Variants in JAKMIP1 observed in about 807,000 individuals in gnomAD.
The protein encoded by JAKMIP1 is janus kinase and microtubule-interacting protein 1.
In JAKMIP1, 33 loss-of-function variants were observed where a neutral mutation model predicts 113.0. The observed-to-expected ratio is 0.29, with a 90% CI of 0.22 to 0.39. JAKMIP1 has a LOEUF of 0.39. Among genes scored for constraint, JAKMIP1 ranks in the 10% least tolerant of loss-of-function variants. The pLI is 1.00. For missense variants in JAKMIP1, 813 were observed against 1,080.5 expected (o/e 0.75, Z 3.47); for synonymous variants, 480 against 459.9 (o/e 1.04, Z -0.56).
rs531730467 is a variant in JAKMIP1 at position 6,064,730 on chromosome 4, C to T, written c.1431+150G>A. On this transcript the variant is annotated intron_variant, in intron 9 of 20. Transcript: ENST00000409021. The surrounding 1 kb of genome is among the most constrained non-coding windows in gnomAD (Gnocchi z 4.3). The stretch of plus-strand genomic sequence containing the variant: ...CTGTGGGGCCCGCCTTCCCTTCACA[C>T]CATTGGCTTTGATAATGCACTGGTA... The T allele has an allele frequency of 3.0e-6, 3 of 988,734 alleles. No individual in the cohort carries two copies. The African/African-American group carries it at 4.9e-5, about 16-fold the overall frequency. 61.2% of individuals were successfully genotyped at this position (988,734 alleles called of 1,614,324 possible).
At chr4:6,172,520 G>A (rs1250035161) in intron 1 of JAKMIP1, among the ~76,000 whole-genome samples, 1 of 151,714 alleles carries the variant, frequency 6.6e-6, no homozygotes. Flanking sequence ...GGGGAGGAGA[G>A]AGGACACGGC....
chr4:6,084,940 A>C lies in JAKMIP1; in HGVS notation c.860T>G (p.Val287Gly). 1.9e-6 allele frequency: 3 copies of C among 1,547,828 alleles called. No individual in the cohort carries two copies. The highest frequency in any genetic ancestry group is 2.6e-6 in the Non-Finnish European group (3 of 1,139,106). ...VQDQHMDERD[V>G]RRFQLKIAEL... Reference sequence around the variant, plus strand: ...AGCAATTTTTAGTTGAAATCGCCTCACATCTCGCTCGTCCATATGTTGATC... The same window carrying C: ...AGCAATTTTTAGTTGAAATCGCCTCCCATCTCGCTCGTCCATATGTTGATC... Residue 287 changes from valine (V) to glycine (G), a missense_variant, in exon 5 of 21, where the codon GTG becomes GGG. Val to Gly is a moderately radical substitution (Grantham distance 109). Around this residue, in one of 2 missense-constraint regions of JAKMIP1, gnomAD observed 540 missense variants for 653.9 expected, o/e 0.83. Transcript: ENST00000409021.
chr4:6,111,708 T>C (rs1714962098), intron 2 of JAKMIP1, among the ~76,000 whole-genome samples: 1 of 152,166 alleles, frequency 6.6e-6, no homozygotes, highest in Admixed American at 6.5e-5. Context: ...TGACAGCCCG[T>C]GCTTTAATTA....
chr4:6,145,682 T>C (rs1384739410), intron 1 of JAKMIP1, among the ~76,000 whole-genome samples: 1 of 152,170 alleles, frequency 6.6e-6, no homozygotes. Flanking sequence ...ACTGAGTGGC[T>C]TAAATATCAG....
At chr4:6,063,260 A>C (rs1717572594) in intron 9 of JAKMIP1, among the ~76,000 whole-genome samples, 1 of 152,244 alleles carries the variant, frequency 6.6e-6, no homozygotes, top group Non-Finnish European at 1.5e-5. Flanking sequence ...CGTGCTGCTC[A>C]TCCATGGGAA....
intron 18 of JAKMIP1, among the ~76,000 whole-genome samples, chr4:6,036,547 G>A (rs978386826): frequency 2.6e-5 from 4 of 152,160 alleles, no homozygotes; most frequent in Non-Finnish European, 5.9e-5. Context: ...GTTTTCAGCT[G>A]CCTTAAGAAT....
At chr4:6,104,164 C>A (rs1713529924) in intron 3 of JAKMIP1, among the ~76,000 whole-genome samples, 1 of 152,204 alleles carries the variant, frequency 6.6e-6, no homozygotes, top group East Asian at 1.9e-4. Context: ...TATGTCATGT[C>A]CACAGTATTC....
chr4:6,109,124 C>A (rs935927231), intron 2 of JAKMIP1, among the ~76,000 whole-genome samples: 3 of 96,860 alleles, frequency 3.1e-5, no homozygotes, highest in East Asian at 2.6e-4. Flanking sequence ...CCTGGGGCAC[C>A]TTTTTTTTTT....
rs1719419593 is a variant in JAKMIP1, at chr4:6,137,528, A to G, written c.-147-24531T>C. On this transcript the variant is annotated intron_variant, in intron 1 of 20. Coordinates refer to ENST00000409021, the MANE Select transcript of JAKMIP1 (RefSeq NM_001099433.2). This position sits in a 1 kb window ranked among gnomAD's most constrained non-coding sequence, Gnocchi z 4.5. ...TTCAAGTCCTTTGCTCAGGGAAATC[A>G]GGAGCTGTGATTTGGTTGAACGTTC... 1.3e-5 allele frequency among the ~76,000 whole-genome samples: 2 copies of G among 152,222 alleles called. No homozygotes were observed. Among genetic ancestry groups the G allele is most frequent in the South Asian group, 4.1e-4 (2 of 4,834 alleles).
intron 11 of JAKMIP1, among the ~76,000 whole-genome samples, chr4:6,057,365 T>A (rs116006954): frequency 1.2e-3 from 188 of 152,316 alleles, no homozygotes; most frequent in African/African-American, 4.2e-3. Flanking sequence ...TCTCTGCTGG[T>A]CAGCCACAGA....
rs574312710 is a variant in JAKMIP1, at chr4:6,064,898, G to A, written c.1413C>T (p.Pro471=). 716 of 1,614,042 alleles carry A rather than the reference G, an allele frequency of 4.4e-4. 14 individuals carry two copies. The South Asian group carries it at 7.1e-3, about 16-fold the overall frequency. ...TGCTTACATCGTCCAAGTCTTCTTCGGGCGTGGCTGGGGTCCTGTCTGTCC... is the reference window on the plus strand; with the variant it reads ...TGCTTACATCGTCCAAGTCTTCTTCAGGCGTGGCTGGGGTCCTGTCTGTCC... ...TDRTDRTPAT[P]EEDLDDATAR... The change falls in exon 9 of 21, where the codon CCC becomes CCT. Residue 471 remains proline (P), a synonymous_variant. Transcript: ENST00000409021. This position sits in a 1 kb window ranked among gnomAD's most constrained non-coding sequence, Gnocchi z 4.3.
Position 6,197,300 on chromosome 4 carries a change from C to G in JAKMIP1, c.-148+2953G>C, listed in dbSNP as rs549336757. ...GCCCACCACAATGGTGGCCACTGCTCTGATCATTAGTTTCATCGTTAGCTA... is the reference window on the plus strand; with the variant it reads ...GCCCACCACAATGGTGGCCACTGCTGTGATCATTAGTTTCATCGTTAGCTA... On this transcript the variant is annotated intron_variant, in intron 1 of 20. Transcript: ENST00000409021. The surrounding 1 kb of genome is among the most constrained non-coding windows in gnomAD (Gnocchi z 6.5). Among the ~76,000 whole-genome samples, 2 of 152,188 alleles carry G rather than the reference C, an allele frequency of 1.3e-5. No individual in the cohort carries two copies. Among genetic ancestry groups the G allele is most frequent in the Non-Finnish European group, 2.9e-5 (2 of 68,030 alleles).
chr4:6,054,189 G>A (rs1348583982), intron 12 of JAKMIP1, 41 bp from the exon 13 acceptor site: 1 of 1,602,584 alleles, frequency 6.2e-7, no homozygotes, highest in Non-Finnish European at 8.5e-7. Context: ...ATGGGTGGGA[G>A]CACTGGGGTC....
At chr4:6,073,856 C>A (rs1158006937) in intron 8 of JAKMIP1, among the ~76,000 whole-genome samples, 4 of 152,196 alleles carry the variant, frequency 2.6e-5, no homozygotes, top group Non-Finnish European at 4.4e-5. Context: ...TGTGCGTAAA[C>A]TGTACTGATT....
intron 1 of JAKMIP1, among the ~76,000 whole-genome samples, chr4:6,145,478 A>G (rs1246313301): frequency 4.7e-5 from 4 of 85,456 alleles, no homozygotes; most frequent in Non-Finnish European, 7.1e-5. Flanking sequence ...GGTGCTCTCA[A>G]AAATATCCAT....
At chr4:6,043,774 C>T (rs1358381322) in intron 16 of JAKMIP1, among the ~76,000 whole-genome samples, 1 of 149,952 alleles carries the variant, frequency 6.7e-6, no homozygotes. Flanking sequence ...CCAGCAAGTT[C>T]CCTAAAAAAC....
intron 1 of JAKMIP1, among the ~76,000 whole-genome samples, chr4:6,118,913 T>G (rs143140022): frequency 7.2e-5 from 11 of 152,208 alleles, no homozygotes; most frequent in East Asian, 5.8e-4. Context: ...GATCTCAAGA[T>G]GAAATCATCC....
At chr4:6,144,557 T>C (rs1720584742) in intron 1 of JAKMIP1, among the ~76,000 whole-genome samples, 1 of 152,232 alleles carries the variant, frequency 6.6e-6, no homozygotes, top group African/African-American at 2.4e-5. Flanking sequence ...ATCCCAGGAA[T>C]GCAAAGTTGG....
intron 18 of JAKMIP1, among the ~76,000 whole-genome samples, chr4:6,038,924 A>G (rs780745278): frequency 3.7e-4 from 57 of 152,228 alleles, no homozygotes; most frequent in Non-Finnish European, 6.6e-4. Context: ...TCAGTGACAA[A>G]GGGACACAGG....
Sources: allele counts gnomAD v4.1 joint callset (sites outside exome capture counted in the v4.1 genomes callset), GRCh38; gene constraint gnomAD v4.1.1; regional missense constraint gnomAD v4.1.1; non-coding constraint Gnocchi (gnomAD v3.1); transcripts MANE v1.5; gene names NCBI Gene and HGNC (gene_info 2026-07-23, HGNC 2026-07-21).